ULK4: variants seen among roughly 807,000 people sequenced by gnomAD.
The protein encoded by ULK4 is inactive serine/threonine-protein kinase ULK4.
A neutral mutation model predicts 160.6 loss-of-function variants in ULK4; 133 were observed. The observed-to-expected ratio is 0.83, with a 90% CI of 0.72 to 0.96. The LOEUF (loss-of-function observed/expected upper bound fraction) is 0.96. ULK4 is among the 40% of genes least tolerant of loss of function. ULK4 has a pLI of 0.00. For missense variants in ULK4, 1,580 were observed against 1,499.5 expected (o/e 1.05, Z -0.89); for synonymous variants, 534 against 539.8 (o/e 0.99, Z 0.15).
intron 32 of ULK4, among the ~76,000 whole-genome samples, chr3:41,488,272 A>G (rs550093206): frequency 6.6e-6 from 1 of 152,326 alleles, no homozygotes; most frequent in Non-Finnish European, 1.5e-5. Context: ...ATGTTTACAC[A>G]TATTACCTCA....
chr3:41,442,396 G>A (rs1409170157), intron 34 of ULK4, among the ~76,000 whole-genome samples: 2 of 152,100 alleles, frequency 1.3e-5, no homozygotes, highest in East Asian at 3.8e-4. Context: ...ATCACATGTA[G>A]TTCTACCACC....
chr3:41,496,086 C>T (rs929114703), intron 32 of ULK4, among the ~76,000 whole-genome samples: 3 of 151,668 alleles, frequency 2.0e-5, no homozygotes, highest in Admixed American at 6.6e-5. Flanking sequence ...AATTTGTAAA[C>T]ATATTAAATA....
intron 35 of ULK4, among the ~76,000 whole-genome samples, chr3:41,291,216 A>T (rs2079554418): frequency 6.6e-6 from 1 of 151,830 alleles, no homozygotes; most frequent in South Asian, 2.1e-4. Flanking sequence ...TTCACTAGAC[A>T]TTGCCTGATA....
At chr3:41,784,220 A>T (rs2039935614) in intron 21 of ULK4, among the ~76,000 whole-genome samples, 1 of 152,070 alleles carries the variant, frequency 6.6e-6, no homozygotes, top group Non-Finnish European at 1.5e-5. Flanking sequence ...AGATCATCTG[A>T]GGTTGGGAGT....
chr3:41,945,603 T>A (rs1173661551), intron 2 of ULK4, among the ~76,000 whole-genome samples: 1 of 152,218 alleles, frequency 6.6e-6, no homozygotes, highest in Non-Finnish European at 1.5e-5. Context: ...CTAATGTCTA[T>A]ATGCTGATGA....
At chr3:41,703,529 TGA>T (rs1378947711) in intron 27 of ULK4, among the ~76,000 whole-genome samples, 1 of 151,624 alleles carries the variant, frequency 6.6e-6, no homozygotes. Context: ...AAACCTAATC[TGA>T]AATGTATAAA....
intron 35 of ULK4, among the ~76,000 whole-genome samples, chr3:41,253,557 T>C (rs1478958614): frequency 6.6e-6 from 1 of 151,804 alleles, no homozygotes; most frequent in African/African-American, 2.4e-5. Flanking sequence ...TAAAATTTAA[T>C]ATTAAAAATG....
At chr3:41,471,944 A>C (rs1474081813) in intron 32 of ULK4, among the ~76,000 whole-genome samples, 1 of 151,716 alleles carries the variant, frequency 6.6e-6, no homozygotes, top group Admixed American at 6.5e-5. Flanking sequence ...CAAAAAAAAA[A>C]AACAAAATGA....
intron 33 of ULK4, among the ~76,000 whole-genome samples, chr3:41,461,734 A>T (rs752743923): frequency 5.9e-5 from 9 of 152,334 alleles, no homozygotes; most frequent in Middle Eastern, 6.8e-3. Flanking sequence ...AATTTCTATT[A>T]TCCTGAAGAT....
intron 31 of ULK4, among the ~76,000 whole-genome samples, chr3:41,573,677 A>C (rs75059808): frequency 1.3e-5 from 2 of 152,220 alleles, no homozygotes; most frequent in Admixed American, 1.3e-4. Context: ...AAAAATACAT[A>C]GCACATCCTA....
intron 21 of ULK4, among the ~76,000 whole-genome samples, chr3:41,787,912 A>G (rs1430739343): frequency 6.6e-6 from 1 of 152,196 alleles, no homozygotes; most frequent in East Asian, 1.9e-4. Flanking sequence ...ACTATATTTG[A>G]AACTTAATCA....
chr3:41,910,165 G>A (rs1446288527), intron 11 of ULK4, among the ~76,000 whole-genome samples: 1 of 152,054 alleles, frequency 6.6e-6, no homozygotes, highest in East Asian at 1.9e-4. Context: ...CAAAGTGCTG[G>A]GATTACAGGC....
At chr3:41,816,914 G>C (rs1247123737) in intron 19 of ULK4, among the ~76,000 whole-genome samples, 1 of 152,182 alleles carries the variant, frequency 6.6e-6, no homozygotes, top group Non-Finnish European at 1.5e-5. Flanking sequence ...AGTATAAATT[G>C]ATACACACAC....
chr3:41,952,642 T>C (rs997581110), intron 2 of ULK4, among the ~76,000 whole-genome samples: 5 of 152,114 alleles, frequency 3.3e-5, no homozygotes, highest in Non-Finnish European at 7.4e-5. Context: ...GCAGAGCTGC[T>C]GAGGAAAACA....
At chr3:41,630,395 C>G (rs958689910) in intron 30 of ULK4, among the ~76,000 whole-genome samples, 2 of 152,150 alleles carry the variant, frequency 1.3e-5, no homozygotes, top group Admixed American at 6.5e-5. Context: ...TCTCTCAGCT[C>G]GTAGAGCCAC....
intron 35 of ULK4, among the ~76,000 whole-genome samples, chr3:41,319,236 C>T (rs1466131084): frequency 6.6e-6 from 1 of 152,088 alleles, no homozygotes; most frequent in East Asian, 1.9e-4. Flanking sequence ...GGGGGCACTA[C>T]GAACTAGTAC....
At position 41,793,435 on chromosome 3, in the gene ULK4, T is replaced by C. The variant is rs1377353767; in HGVS notation, c.2011-3592A>G. Among the ~76,000 whole-genome samples the C allele has an allele frequency of 3.3e-5, 5 of 152,316 alleles. No individual in the cohort carries two copies. In the East Asian group the frequency reaches 9.7e-4, roughly 29 times the overall value. ...AAAAGGTTTAAGAACCATTTCTTTT[T>C]GGTATTTCAAATGATTTTTTGATGT... is the stretch of plus-strand genomic sequence containing the variant. On this transcript the variant is annotated intron_variant, in intron 20 of 36. Transcript: ENST00000301831.
chr3:41,692,966 T>C (rs1448446800), intron 27 of ULK4, among the ~76,000 whole-genome samples: 2 of 152,226 alleles, frequency 1.3e-5, no homozygotes, highest in Non-Finnish European at 2.9e-5. Context: ...TGTCTGTGAC[T>C]TAGGAATGCT....
chr3:41,918,377 T>A, intron 7 of ULK4, 80 bp downstream of exon 7: 2 of 919,800 alleles, frequency 2.2e-6, no homozygotes, highest in Non-Finnish European at 3.2e-6. Context: ...TATGAATCAA[T>A]AAAAGCAAAC....
Sources: allele counts gnomAD v4.1 joint callset (sites outside exome capture counted in the v4.1 genomes callset), GRCh38; gene constraint gnomAD v4.1.1; transcripts MANE v1.5; gene names NCBI Gene and HGNC (gene_info 2026-07-23, HGNC 2026-07-21).